BRF1: variants seen among roughly 807,000 people sequenced by gnomAD.
The protein encoded by BRF1 is transcription factor IIIB 90 kDa subunit.
BRF1 carries 59 observed loss-of-function variants against 81.7 expected under a neutral mutation model. The observed-to-expected ratio is 0.72, with a 90% CI of 0.59 to 0.90. The LOEUF (loss-of-function observed/expected upper bound fraction) is 0.90. Ranked by LOEUF, BRF1 falls within the 40% of genes least tolerant of loss-of-function variation. BRF1 has a pLI of 0.00. For synonymous variants in BRF1, 491 were observed against 395.6 expected (o/e 1.24, Z -2.86); for missense variants, 1,050 against 936.3 (o/e 1.12, Z -1.58).
chr14:105,226,164 G>A lies in BRF1; in HGVS notation c.956-3C>T. 1 of 1,613,974 alleles carries A rather than the reference G, an allele frequency of 6.2e-7. No individual in the cohort carries two copies. Among genetic ancestry groups the A allele is most frequent in the Non-Finnish European group, 8.5e-7 (1 of 1,180,026 alleles). ...ATCCTGGTAACTGGATATTTCACCTGAAGTCATAAGTTAAAAGCAAAAAGT... is the reference window on the plus strand; with the variant it reads ...ATCCTGGTAACTGGATATTTCACCTAAAGTCATAAGTTAAAAGCAAAAAGT... On this transcript the variant is annotated splice_polypyrimidine_tract_variant and splice_region_variant and intron_variant, in intron 9 of 17. Transcript: ENST00000547530.
intron 3 of BRF1, among the ~76,000 whole-genome samples, chr14:105,264,792 G>A (rs587692747): frequency 6.6e-6 from 1 of 151,038 alleles, no homozygotes; most frequent in Non-Finnish European, 1.5e-5. Context: ...AGTGAGCTGT[G>A]ACTGCACCAC....
intron 5 of BRF1, among the ~76,000 whole-genome samples, chr14:105,244,702 G>A (rs889074659): frequency 6.6e-6 from 1 of 151,928 alleles, no homozygotes; most frequent in East Asian, 1.9e-4. Flanking sequence ...AATAATAGGG[G>A]ATTTTAACAT....
chr14:105,216,515 G>T (rs1896589688), intron 15 of BRF1, among the ~76,000 whole-genome samples: 1 of 150,966 alleles, frequency 6.6e-6, no homozygotes, highest in African/African-American at 2.4e-5. Flanking sequence ...CTCCTGAGGG[G>T]CTGAGACGCC....
At chr14:105,247,877 C>T in intron 5 of BRF1, 2 of 985,660 alleles carry the variant, frequency 2.0e-6, no homozygotes, top group African/African-American at 3.5e-5. Flanking sequence ...AGCCAGTGCC[C>T]CATGCCACGC....
At chr14:105,314,843 G>C (rs1192308655) in intron 1 of BRF1, 2 of 590,744 alleles carry the variant, frequency 3.4e-6, no homozygotes, top group Non-Finnish European at 2.1e-6. Flanking sequence ...CGCCCTCCGC[G>C]CGCCCGGCCC....
chr14:105,302,146 CAA>C (rs377143444), upstream of BRF1, among the ~76,000 whole-genome samples: 2 of 116,558 alleles, frequency 1.7e-5, no homozygotes, highest in Admixed American at 9.2e-5. Flanking sequence ...AACTCTGTCT[CAA>C]AAAAAAAAAA....
intron 2 of BRF1, among the ~76,000 whole-genome samples, chr14:105,281,247 G>A (rs1314900353): frequency 6.9e-6 from 1 of 144,360 alleles, no homozygotes; most frequent in Admixed American, 6.9e-5. Context: ...CCGGGTGTGT[G>A]GATACAGCCT....
At position 105,241,273 on chromosome 14, in the gene BRF1, C is replaced by A; in HGVS notation, c.686G>T (p.Cys229Phe). 2 of 1,611,782 alleles carry A rather than the reference C, an allele frequency of 1.2e-6. No homozygotes were observed. Among genetic ancestry groups the A allele is most frequent in the Non-Finnish European group, 1.7e-6 (2 of 1,179,768 alleles). The change falls in exon 6 of 18, where the codon TGC becomes TTC. Residue 229 changes from cysteine (C) to phenylalanine (F), a missense_variant. Around this residue, in one of 2 missense-constraint regions of BRF1, gnomAD observed 1,043 missense variants for 915.4 expected, o/e 1.14. Coordinates refer to ENST00000547530, the MANE Select transcript of BRF1 (RefSeq NM_001519.4). ...MHTGRRPSGL[C>F]GAALLVAARM... is the part of the protein sequence containing the mutation. ...GGCAGGGCCCGCTGTACCTGCTCCGCAGAGGCCCGAGGGGCGCCGGCCTGT... is the reference window on the plus strand; with the variant it reads ...GGCAGGGCCCGCTGTACCTGCTCCGAAGAGGCCCGAGGGGCGCCGGCCTGT...
At position 105,209,837 on chromosome 14, in the gene BRF1, T is replaced by TG. The variant is rs1889875339; in HGVS notation, c.*713dup. ...CACCTGCCGGCAGCCGCAGGGCTCC[T>TG]GGGCCCACAACTCAAGTGGCCCTGG... On this transcript the variant is annotated 3_prime_UTR_variant, in exon 18 of 18. Coordinates refer to ENST00000547530, the MANE Select transcript of BRF1 (RefSeq NM_001519.4). 1 of 496,920 alleles carries TG rather than the reference T, an allele frequency of 2.0e-6. No individual in the cohort carries two copies. Among genetic ancestry groups the TG allele is most frequent in the South Asian group, 3.2e-5 (1 of 31,088 alleles). The allele number at this position is 496,920 out of a possible 1,614,324, so 30.8% of individuals were successfully genotyped here.
chr14:105,224,672 C>T (rs1439508179), intron 10 of BRF1, among the ~76,000 whole-genome samples: 3 of 152,152 alleles, frequency 2.0e-5, no homozygotes, highest in Non-Finnish European at 4.4e-5. Flanking sequence ...CTCAGCCTCC[C>T]GAGGAGCTGG....
In BRF1 at chr14:105,226,266, G is replaced by GT; in HGVS notation, c.939dup (p.Leu314ThrfsTer5). On this transcript the variant is annotated frameshift_variant, in exon 9 of 18. Coordinates refer to ENST00000547530, the MANE Select transcript of BRF1 (RefSeq NM_001519.4). LOFTEE classifies it high-confidence loss of function. ...GGTTGGTTACCTTCAACCTCCTCCAGTTTTTTTGACAGGACTTGTTCAAGC... is the reference window on the plus strand; with the variant it reads ...GGTTGGTTACCTTCAACCTCCTCCAGTTTTTTTTGACAGGACTTGTTCAAGC... 2 of 1,614,044 alleles carry GT rather than the reference G, an allele frequency of 1.2e-6. No individual in the cohort carries two copies. Among genetic ancestry groups the GT allele is most frequent in the Non-Finnish European group, 1.7e-6 (2 of 1,180,020 alleles).
At chr14:105,224,149 A>G (rs900151303) in intron 10 of BRF1, among the ~76,000 whole-genome samples, 1 of 152,220 alleles carries the variant, frequency 6.6e-6, no homozygotes, top group Admixed American at 6.5e-5. Context: ...TGGACAGATC[A>G]CTTGAGGTCA....
At chr14:105,305,434 G>A (rs976940521), upstream of BRF1, among the ~76,000 whole-genome samples, 10 of 151,896 alleles carry the variant, frequency 6.6e-5, no homozygotes, top group Admixed American at 2.6e-4. Context: ...AAGAAAAAAC[G>A]TGGCTGGAGG....
At position 105,272,909 on chromosome 14, in the gene BRF1, G is replaced by C; in HGVS notation, c.266-15C>G. 1 of 1,572,514 alleles carries C rather than the reference G, an allele frequency of 6.4e-7. No homozygotes were observed. The highest frequency in any genetic ancestry group is 8.7e-7 in the Non-Finnish European group (1 of 1,153,660). ...GTGGCGCCTCCCTAGGACACAGCACGAGGCAGCTCTTAGCCAAATGTTCCC... is the reference window on the plus strand; with the variant it reads ...GTGGCGCCTCCCTAGGACACAGCACCAGGCAGCTCTTAGCCAAATGTTCCC... On this transcript the variant is annotated splice_polypyrimidine_tract_variant and intron_variant, in intron 2 of 17. Coordinates refer to ENST00000547530, the MANE Select transcript of BRF1 (RefSeq NM_001519.4).
chr14:105,241,610 C>T (rs983402114), intron 5 of BRF1, 196 bp from the exon 6 acceptor site: 15 of 695,036 alleles, frequency 2.2e-5, no homozygotes, highest in Admixed American at 1.7e-4. Context: ...AGGAGAGCCA[C>T]TGGCCACCTG....
rs191275352 is a variant in BRF1 at position 105,226,837 on chromosome 14, C to T, written c.789-77G>A. On this transcript the variant is annotated intron_variant, in intron 7 of 17. Coordinates refer to ENST00000547530, the MANE Select transcript of BRF1 (RefSeq NM_001519.4). ...GTTTAAAACTGAGCTTTCGCCTGGG[C>T]GTGGCTCATGCCTGTGATCCCAGTG... The T allele has an allele frequency of 1.6e-4, 262 of 1,596,172 alleles. 3 individuals are homozygous for T. The African/African-American group carries it at 3.0e-3, about 18-fold the overall frequency.
chr14:105,220,378 T>C (rs1012144217), intron 11 of BRF1, among the ~76,000 whole-genome samples: 1 of 152,172 alleles, frequency 6.6e-6, no homozygotes, highest in East Asian at 1.9e-4. Flanking sequence ...CCCCAGCACT[T>C]CTGTGCTTTT....
rs1024937056 is a variant in BRF1 at position 105,308,044 on chromosome 14, C to T, written c.-162+7278G>A. On this transcript the variant is annotated intron_variant, in intron 1 of 17. Transcript: ENST00000327359. ...ACAAAAAATTTAAAAATTAGCTGTG[C>T]GTGGTGGTGCGTGCCTCTAGTTCAG... Among the ~76,000 whole-genome samples the T allele has an allele frequency of 2.6e-5, 4 of 151,408 alleles. No homozygotes were observed. The East Asian group carries it at 5.8e-4, about 22-fold the overall frequency.
At position 105,309,913 on chromosome 14, in the gene BRF1, C is replaced by T. The variant is rs2058300639; in HGVS notation, c.-162+5409G>A. ...CAATTCTCCTGTCTCAGCCTCCCGA[C>T]TAGCTGGGACTACAGGCGCCCGCCA... On this transcript the variant is annotated intron_variant, in intron 1 of 17. Coordinates refer to the BRF1 transcript ENST00000327359. The surrounding 1 kb of genome is among the most constrained non-coding windows in gnomAD (Gnocchi z 4.0). 6.6e-6 allele frequency among the ~76,000 whole-genome samples: 1 copy of T among 150,524 alleles called. No individual in the cohort carries two copies. The highest frequency in any genetic ancestry group is 6.7e-5 in the Admixed American group (1 of 15,020).
Sources: allele counts gnomAD v4.1 joint callset (sites outside exome capture counted in the v4.1 genomes callset), GRCh38; gene constraint gnomAD v4.1.1; regional missense constraint gnomAD v4.1.1; non-coding constraint Gnocchi (gnomAD v3.1); transcripts MANE v1.5; gene names NCBI Gene and HGNC (gene_info 2026-07-23, HGNC 2026-07-21).